ROCK1: variants seen among roughly 807,000 people sequenced by gnomAD.
ROCK1 encodes the protein rho-associated protein kinase 1.
Under a neutral mutation model 196.8 loss-of-function variants are expected in ROCK1, and 36 were observed. The observed-to-expected ratio is 0.18, with a 90% confidence interval of 0.14 to 0.24. The LOEUF (loss-of-function observed/expected upper bound fraction) is 0.24. Among genes scored for constraint, ROCK1 ranks in the 10% least tolerant of loss-of-function variants. The pLI is 1.00. For missense variants in ROCK1, 920 were observed against 1,562.0 expected, an observed-to-expected ratio of 0.59 and a Z score of 6.93; for synonymous variants, 443 against 515.9, an observed-to-expected ratio of 0.86 and a Z score of 1.91.
At chr18:21,011,676 G>A (rs761767244) in intron 13 of ROCK1, among the ~76,000 whole-genome samples, 18 of 152,172 alleles carry the variant, frequency 1.2e-4, no homozygotes, top group Non-Finnish European at 2.1e-4. Context: ...GGCTGGTCTT[G>A]AACTCCTGGG....
chr18:21,026,452 A>G (rs2035957610), intron 10 of ROCK1, among the ~76,000 whole-genome samples: 1 of 150,440 alleles, frequency 6.6e-6, no homozygotes, highest in Non-Finnish European at 1.5e-5. Flanking sequence ...CTCGAAAAAA[A>G]AAAAAAAAAA....
At chr18:21,042,058 C>T (rs1450423645) in intron 8 of ROCK1, 39 bp downstream of exon 8, 5 of 1,568,272 alleles carry the variant, frequency 3.2e-6, no homozygotes, top group Admixed American at 4.0e-5. Flanking sequence ...GATGAGAAGT[C>T]CTCAGAATTA....
chr18:20,961,749 A>G (rs2143341849), intron 27 of ROCK1, among the ~76,000 whole-genome samples: 1 of 151,990 alleles, frequency 6.6e-6, no homozygotes, highest in South Asian at 2.1e-4. Context: ...AAATTGTTAA[A>G]ATGGAGGAAA....
chr18:21,025,360 CAG>C (rs974178265), intron 10 of ROCK1, among the ~76,000 whole-genome samples: 3 of 152,184 alleles, frequency 2.0e-5, no homozygotes, highest in Non-Finnish European at 2.9e-5. Context: ...ATAAGAATTT[CAG>C]AGGTTTTCTA....
At chr18:20,959,105 A>ATATAATATATAT (rs2035292894) in intron 29 of ROCK1, among the ~76,000 whole-genome samples, 2 of 33,924 alleles carry the variant, frequency 5.9e-5, no homozygotes, top group African/African-American at 4.7e-4. Context: ...TATATATATT[A>ATATAATATATAT]TATATATATT....
rs1307889959 is a variant in ROCK1 at position 20,947,682 on chromosome 18, C to G, written c.*3702G>C. 7 of 151,794 alleles carry G rather than the reference C, an allele frequency of 4.6e-5. No individual in the cohort carries two copies. The highest frequency in any genetic ancestry group is 1.7e-4 in the African/African-American group (7 of 41,354). 9.4% of individuals were successfully genotyped at this position (151,794 alleles called of 1,614,324 possible). ...TATGACTATTTATTAACCTAATGATCAACTTTAAAAATCATTTGTTTATTT... is the reference window on the plus strand; with the variant it reads ...TATGACTATTTATTAACCTAATGATGAACTTTAAAAATCATTTGTTTATTT... On this transcript the variant is annotated 3_prime_UTR_variant, in exon 33 of 33. Transcript: ENST00000399799.
intron 28 of ROCK1, 84 bp from the exon 29 acceptor site, chr18:20,960,012 T>C: frequency 9.6e-7 from 1 of 1,038,834 alleles, no homozygotes; most frequent in Non-Finnish European, 1.5e-6. Flanking sequence ...GCCACTAATA[T>C]CTAGATTATA....
intron 27 of ROCK1, among the ~76,000 whole-genome samples, chr18:20,963,654 C>A (rs2035347083): frequency 6.6e-6 from 1 of 152,036 alleles, no homozygotes; most frequent in African/African-American, 2.4e-5. Context: ...TTTCCTAATC[C>A]ATCATCTATT....
intron 4 of ROCK1, 43 bp from the exon 5 acceptor site, chr18:21,045,510 TAAAC>T (rs749474607): frequency 2.6e-5 from 37 of 1,421,272 alleles, no homozygotes; most frequent in Non-Finnish European, 3.2e-5. Context: ...TCATTAATGT[TAAAC>T]AAAATTGTTT....
At chr18:20,984,568 T>C in intron 19 of ROCK1, 33 bp from the exon 20 acceptor site, 1 of 1,508,204 alleles carries the variant, frequency 6.6e-7, no homozygotes, top group East Asian at 2.3e-5. Flanking sequence ...GGATCTTAAA[T>C]CTCTTAAATA....
At chr18:21,100,708 T>C (rs114016372) in intron 1 of ROCK1, among the ~76,000 whole-genome samples, 2,717 of 152,086 alleles carry the variant, frequency 0.018, 78 homozygotes, top group African/African-American at 0.06. Flanking sequence ...TAATGGGAGA[T>C]CTCAGAAGGA....
chr18:20,956,203 G>A (rs1353498549), intron 29 of ROCK1, among the ~76,000 whole-genome samples: 2 of 151,934 alleles, frequency 1.3e-5, no homozygotes, highest in African/African-American at 4.8e-5. Context: ...GAGAAAGAGA[G>A]GGAAGGAGGG....
chr18:20,954,686 T>C, intron 31 of ROCK1, 97 bp downstream of exon 31: 1 of 1,247,128 alleles, frequency 8.0e-7, no homozygotes, highest in Non-Finnish European at 1.1e-6. Context: ...CTATAATCTC[T>C]TTTCAACTTG....
chr18:21,075,379 G>C (rs928458468), intron 1 of ROCK1, among the ~76,000 whole-genome samples: 4 of 152,184 alleles, frequency 2.6e-5, no homozygotes, highest in African/African-American at 9.7e-5. Flanking sequence ...TGAGTAGACA[G>C]TGACTTCATT....
chr18:21,105,013 C>T (rs2036691910), intron 1 of ROCK1, among the ~76,000 whole-genome samples: 1 of 152,162 alleles, frequency 6.6e-6, no homozygotes, highest in South Asian at 2.1e-4. Flanking sequence ...CAATAAATAT[C>T]AACTTCTAGA....
At position 21,043,703 on chromosome 18, in the gene ROCK1, T is replaced by A. The variant is rs137937441; in HGVS notation, c.675+399A>T. 1.4e-3 allele frequency among the ~76,000 whole-genome samples: 216 copies of A among 151,416 alleles called. 1 individual carries two copies. Among genetic ancestry groups the A allele is most frequent in the African/African-American group, 5.0e-3 (205 of 41,280 alleles). ...CTAAAATAAGCAGTAAAATCTTTTA[T>A]ATGTTAACTGAAGTAAAACACTAAA... On this transcript the variant is annotated intron_variant, in intron 6 of 32. Coordinates refer to ENST00000399799, the MANE Select transcript of ROCK1 (RefSeq NM_005406.3).
intron 22 of ROCK1, among the ~76,000 whole-genome samples, chr18:20,972,239 A>T (rs1021373667): frequency 7.9e-5 from 12 of 152,186 alleles, no homozygotes; most frequent in Non-Finnish European, 1.6e-4. Context: ...AAAAAAGAAG[A>T]GTCTAGGATG....
At position 21,044,098 on chromosome 18, in the gene ROCK1, T is replaced by C. The variant is rs936642334; in HGVS notation, c.675+4A>G. 3 of 1,557,998 alleles carry C rather than the reference T, an allele frequency of 1.9e-6. No homozygotes were observed. Among genetic ancestry groups the C allele is most frequent in the Non-Finnish European group, 2.6e-6 (3 of 1,134,000 alleles). On this transcript the variant is annotated splice_donor_region_variant and intron_variant, in intron 6 of 32. Coordinates refer to ENST00000399799, the MANE Select transcript of ROCK1 (RefSeq NM_005406.3). ...AAAACTAAATTAAAATCTAGTTAAT[T>C]AACCTTATTCATCTTCATACAAGTA... is the stretch of plus-strand genomic sequence containing the variant.
intron 32 of ROCK1, among the ~76,000 whole-genome samples, chr18:20,952,816 C>T (rs1180771588): frequency 6.6e-6 from 1 of 151,808 alleles, no homozygotes; most frequent in African/African-American, 2.4e-5. Context: ...AGTTCACATC[C>T]TTTGAAGGGA....
Sources: allele counts gnomAD v4.1 joint callset (sites outside exome capture counted in the v4.1 genomes callset), GRCh38; gene constraint gnomAD v4.1.1; transcripts MANE v1.5; gene names NCBI Gene and HGNC (gene_info 2026-07-23, HGNC 2026-07-21).